The following ERC2 variants were observed in gnomAD, a reference collection of about 807,000 sequenced individuals.
ERC2 encodes the protein ERC protein 2.
A neutral mutation model predicts 114.8 loss-of-function variants in ERC2; 42 were observed. The ratio of observed to expected loss-of-function variants is 0.37; its 90% CI spans 0.29 to 0.47. The LOEUF (loss-of-function observed/expected upper bound fraction) is 0.47, where lower values mean the gene tolerates loss of function less well. Ranked by LOEUF, ERC2 falls within the 20% of genes least tolerant of loss-of-function variation. ERC2 has a pLI of 0.99. For missense variants in ERC2, 939 were observed against 1,150.7 expected, an observed-to-expected ratio of 0.82 and a Z score of 2.66; for synonymous variants, 454 against 425.5, an observed-to-expected ratio of 1.07 and a Z score of -0.82.
In ERC2 at chr3:56,162,688, G is replaced by A. The variant is rs78362024; in HGVS notation, c.1149+10758C>T. On this transcript the variant is annotated intron_variant, in intron 4 of 17. Transcript: ENST00000288221. ...CATTTAAGTGTTCATAATAGTCTCT[G>A]AGGATCTTCTGTAATTCTGTGGGAT... 8.3e-4 allele frequency among the ~76,000 whole-genome samples: 127 copies of A among 152,230 alleles called. 1 individual carries two copies. In the East Asian group the frequency reaches 0.014, roughly 17 times the overall value.
intron 6 of ERC2, among the ~76,000 whole-genome samples, chr3:56,133,923 G>A (rs1411003639): frequency 6.6e-6 from 1 of 152,158 alleles, no homozygotes; most frequent in African/African-American, 2.4e-5. Context: ...AAGGGTCTGT[G>A]TGACATACCA....
At chr3:56,019,650 A>G (rs1286998822) in intron 7 of ERC2, among the ~76,000 whole-genome samples, 2 of 152,196 alleles carry the variant, frequency 1.3e-5, no homozygotes, top group Non-Finnish European at 2.9e-5. Context: ...TCCATTTGGC[A>G]ACTAAGTCAT....
intron 14 of ERC2, among the ~76,000 whole-genome samples, chr3:55,747,642 T>C (rs148257432): frequency 2.7e-3 from 405 of 152,370 alleles, no homozygotes; most frequent in Non-Finnish European, 5.1e-3. Context: ...TTAATCATGA[T>C]CTTGTTGATT....
At chr3:55,525,976 A>C (rs544170112) in intron 17 of ERC2, among the ~76,000 whole-genome samples, 4 of 152,336 alleles carry the variant, frequency 2.6e-5, no homozygotes, top group African/African-American at 9.6e-5. Flanking sequence ...CTTTGCAGAT[A>C]TATTTGAATT....
intron 12 of ERC2, among the ~76,000 whole-genome samples, chr3:55,982,484 AG>A (rs2070231303): frequency 6.6e-6 from 1 of 151,078 alleles, no homozygotes; most frequent in Non-Finnish European, 1.5e-5. Flanking sequence ...AAAAAAAAAA[AG>A]TAATTAATTC....
At chr3:55,739,445 C>G (rs76977322) in intron 14 of ERC2, among the ~76,000 whole-genome samples, 9 of 152,070 alleles carry the variant, frequency 5.9e-5, no homozygotes, top group Non-Finnish European at 1.2e-4. Flanking sequence ...TTTTAATGAT[C>G]GCCATTCTAA....
intron 6 of ERC2, among the ~76,000 whole-genome samples, chr3:56,125,492 C>T (rs1200208913): frequency 6.6e-6 from 1 of 152,096 alleles, no homozygotes; most frequent in Non-Finnish European, 1.5e-5. Flanking sequence ...ATGAACTGAC[C>T]CTGACTAAAT....
At chr3:56,269,452 A>G (rs2053520253) in intron 3 of ERC2, among the ~76,000 whole-genome samples, 1 of 152,204 alleles carries the variant, frequency 6.6e-6, no homozygotes. Context: ...CATAATTTTA[A>G]CAAGCTTGGC....
chr3:55,964,996 T>C lies in ERC2; in HGVS notation c.2268-14436A>G, dbSNP rs114828898. Reference sequence around the variant, plus strand: ...GAGGCTAGCAGGAGAATCTCCACTCTGCTGAGATGAAGTTTCATATAATAT... The same window carrying C: ...GAGGCTAGCAGGAGAATCTCCACTCCGCTGAGATGAAGTTTCATATAATAT... On this transcript the variant is annotated intron_variant, in intron 12 of 17. Coordinates refer to ENST00000288221, the MANE Select transcript of ERC2 (RefSeq NM_015576.3). 1.0e-3 allele frequency among the ~76,000 whole-genome samples: 156 copies of C among 152,316 alleles called. 1 individual carries two copies. The highest frequency in any genetic ancestry group is 3.5e-3 in the African/African-American group (146 of 41,576).
intron 3 of ERC2, among the ~76,000 whole-genome samples, chr3:56,257,424 T>A (rs1370030206): frequency 6.6e-6 from 1 of 152,224 alleles, no homozygotes; most frequent in East Asian, 1.9e-4. Context: ...TCAGGCAATT[T>A]AACTTACGTC....
chr3:55,515,345 A>G (rs1248150226), intron 17 of ERC2, among the ~76,000 whole-genome samples: 2 of 151,900 alleles, frequency 1.3e-5, no homozygotes, highest in Non-Finnish European at 1.5e-5. Context: ...GTGGTTTTAA[A>G]CTTTTCCCCT....
At chr3:56,159,650 T>C (rs2081947504) in intron 4 of ERC2, among the ~76,000 whole-genome samples, 1 of 152,164 alleles carries the variant, frequency 6.6e-6, no homozygotes, top group Non-Finnish European at 1.5e-5. Flanking sequence ...TCAACCTTTG[T>C]CCCCTTGCCT....
chr3:55,625,628 G>A (rs1247254171), intron 17 of ERC2, among the ~76,000 whole-genome samples: 4 of 152,114 alleles, frequency 2.6e-5, no homozygotes, highest in Non-Finnish European at 2.9e-5. Flanking sequence ...GCGGGCGCCT[G>A]TAGTCCCAGC....
intron 2 of ERC2, among the ~76,000 whole-genome samples, chr3:56,330,507 C>T (rs1471470613): frequency 2.0e-5 from 3 of 152,160 alleles, no homozygotes; most frequent in Non-Finnish European, 4.4e-5. Flanking sequence ...TTTTCACTAA[C>T]CCACATCTTG....
intron 2 of ERC2, among the ~76,000 whole-genome samples, chr3:56,395,997 T>C (rs970006447): frequency 1.3e-5 from 2 of 152,086 alleles, no homozygotes; most frequent in African/African-American, 4.8e-5. Context: ...ATTAAAGAAA[T>C]GCAAGTTAAA....
rs765786017 is a variant in ERC2, at chr3:56,007,257, G to A, written c.1985C>T (p.Ser662Phe). The part of the protein sequence containing the change: ...SLASAGLKRD[S>F]KLKSLEIAIE... ...GGCTATTTCTAGAGATTTTAATTTG[G>A]AATCCCTTTTCAGCCCCGCAGAGGC... Residue 662 changes from serine (S) to phenylalanine (F), a missense_variant, in exon 10 of 18, where the codon TCC becomes TTC. Coordinates refer to ENST00000288221, the MANE Select transcript of ERC2 (RefSeq NM_015576.3). 1 of 1,591,560 alleles carries A rather than the reference G, an allele frequency of 6.3e-7. No individual in the cohort carries two copies. Among genetic ancestry groups the A allele is most frequent in the Non-Finnish European group, 8.6e-7 (1 of 1,167,836 alleles).
chr3:55,583,830 C>G (rs2057447778), intron 17 of ERC2, among the ~76,000 whole-genome samples: 1 of 151,692 alleles, frequency 6.6e-6, no homozygotes, highest in Non-Finnish European at 1.5e-5. Flanking sequence ...CTTCAAAGGG[C>G]AGCAGAGGGC....
chr3:56,405,887 C>CTTTTTTTTTTTT (rs72095902), intron 2 of ERC2, among the ~76,000 whole-genome samples: 9 of 85,170 alleles, frequency 1.1e-4, no homozygotes, highest in South Asian at 8.7e-4. Flanking sequence ...ACTTTTTTTT[C>CTTTTTTTTTTTT]TTTTTTTTTT....
At chr3:55,760,883 A>C (rs1258779673) in intron 14 of ERC2, among the ~76,000 whole-genome samples, 6 of 152,224 alleles carry the variant, frequency 3.9e-5, no homozygotes, top group Admixed American at 3.3e-4. Context: ...TGTTTCTAGA[A>C]TAGGAGAGCC....
Sources: gnomAD v4.1 joint callset for allele counts (sites outside exome capture counted in the v4.1 genomes callset) on GRCh38, gnomAD v4.1.1 for gene constraint, MANE v1.5 for transcripts, NCBI Gene and HGNC (gene_info 2026-07-23, HGNC 2026-07-21) for gene names.